OSGEPL1: variants seen among roughly 807,000 people sequenced by gnomAD.
OSGEPL1 encodes the protein tRNA N6-adenosine threonylcarbamoyltransferase, mitochondrial.
A neutral mutation model predicts 37.2 loss-of-function variants in OSGEPL1; 26 were observed. The ratio of observed to expected loss-of-function variants is 0.70; its 90% confidence interval spans 0.51 to 0.97. The LOEUF (loss-of-function observed/expected upper bound fraction) is 0.97. Ranked by LOEUF, OSGEPL1 falls within the 50% of genes least tolerant of loss-of-function variation. OSGEPL1 has a pLI of 0.00. For synonymous variants in OSGEPL1, 140 were observed against 159.9 expected (o/e 0.88, Z 0.94); for missense variants, 404 against 487.0 (o/e 0.83, Z 1.60).
chr2:189,750,515 A>G, intron 8 of OSGEPL1, 35 bp downstream of exon 8: 1 of 837,248 alleles, frequency 1.2e-6, no homozygotes, highest in Admixed American at 2.7e-5. Context: ...TTGATACACA[A>G]AACAATAAAA....
intron 2 of OSGEPL1, 46 bp downstream of exon 2, chr2:189,761,374 T>A: frequency 1.3e-6 from 2 of 1,553,196 alleles, no homozygotes; most frequent in Non-Finnish European, 1.7e-6. Context: ...AGAATGATTT[T>A]ACTTTTTCCA....
chr2:189,748,641 T>C (rs1337435072), intron 8 of OSGEPL1, among the ~76,000 whole-genome samples: 2 of 152,166 alleles, frequency 1.3e-5, no homozygotes, highest in African/African-American at 4.8e-5. Context: ...CGGAGGGAAA[T>C]GGTCTATTTT....
At chr2:189,749,998 CTG>C (rs2044884199) in intron 8 of OSGEPL1, among the ~76,000 whole-genome samples, 1 of 152,120 alleles carries the variant, frequency 6.6e-6, no homozygotes, top group Non-Finnish European at 1.5e-5. Flanking sequence ...TGGTGGGCTC[CTG>C]TAGTCCCAGC....
intron 2 of OSGEPL1, 130 bp downstream of exon 2, chr2:189,761,290 G>A (rs559436638): frequency 2.2e-6 from 2 of 910,146 alleles, no homozygotes; most frequent in African/African-American, 1.7e-5. Context: ...GTTTTCTATA[G>A]CAGTTATTAA....
At chr2:189,759,197 A>T (rs1447506258) in intron 2 of OSGEPL1, among the ~76,000 whole-genome samples, 1 of 152,062 alleles carries the variant, frequency 6.6e-6, no homozygotes, top group Non-Finnish European at 1.5e-5. Flanking sequence ...GCCTCTTTAC[A>T]TACATTATTT....
intron 8 of OSGEPL1, 165 bp downstream of exon 8, chr2:189,750,385 C>A: frequency 2.5e-6 from 1 of 402,312 alleles, no homozygotes; most frequent in East Asian, 4.5e-5. Context: ...AAGAAAAAAA[C>A]TATCTTCCCT....
At chr2:189,754,901 C>T (rs541515937) in intron 3 of OSGEPL1, 4 of 407,206 alleles carry the variant, frequency 9.8e-6, no homozygotes, top group African/African-American at 8.4e-5. Context: ...CGTTCTTTCA[C>T]ATACATTATT....
chr2:189,761,444 T>C lies in OSGEPL1; in HGVS notation c.197A>G (p.His66Arg), dbSNP rs762987905. 3.7e-6 allele frequency: 6 copies of C among 1,606,240 alleles called. No individual in the cohort carries two copies. In the South Asian group the frequency reaches 5.6e-5, roughly 15 times the overall value. ...CTTTAAATGAACTTCAGTTTGGGAATGTATTGCTTCTCCCAACACATTTCC... is the reference window on the plus strand; with the variant it reads ...CTTTAAATGAACTTCAGTTTGGGAACGTATTGCTTCTCCCAACACATTTCC... ...ETGNVLGEAI[H>R]SQTEVHLKTG... The change falls in exon 2 of 9, where the codon CAT (histidine) becomes CGT (arginine). Residue 66 changes from histidine (H) to arginine (R), a missense_variant. Coordinates refer to ENST00000264151, the MANE Select transcript of OSGEPL1 (RefSeq NM_022353.3).
At chr2:189,754,898 T>C in intron 3 of OSGEPL1, 1 of 406,848 alleles carries the variant, frequency 2.5e-6, no homozygotes, top group Non-Finnish European at 4.3e-6. Context: ...GCACGTTCTT[T>C]CACATACATT....
intron 2 of OSGEPL1, among the ~76,000 whole-genome samples, chr2:189,757,087 A>G (rs899970382): frequency 1.3e-5 from 2 of 152,198 alleles, no homozygotes; most frequent in African/African-American, 4.8e-5. Context: ...ATTTTTGTCT[A>G]TGATTTGTAG....
chr2:189,749,340 T>C (rs2044729498), intron 8 of OSGEPL1, among the ~76,000 whole-genome samples: 1 of 150,796 alleles, frequency 6.6e-6, no homozygotes, highest in African/African-American at 2.4e-5. Context: ...GAGGCTGAAG[T>C]TGGAGGATTA....
Position 189,755,388 on chromosome 2 carries a change from A to T in OSGEPL1, c.394T>A (p.Leu132Ile). The change falls in exon 3 of 9, where the codon TTA (leucine) becomes ATA (isoleucine). Residue 132 changes from leucine to isoleucine, a missense_variant. By Grantham distance (5) the Leu-to-Ile change is conservative (BLOSUM62 2). Transcript: ENST00000264151. ...TTTTTTAACTGTCCTACCAGCTGTA[A>T]GCTAAATGATAAGCCCACTCCCAGG... ...LSLGVGLSFS[L>I]QLVGQLKKPF... 1 of 1,613,302 alleles carries T rather than the reference A, an allele frequency of 6.2e-7. No homozygotes were observed. Among genetic ancestry groups the T allele is most frequent in the Non-Finnish European group, 8.5e-7 (1 of 1,179,652 alleles).
intron 7 of OSGEPL1, 125 bp downstream of exon 7, chr2:189,752,528 A>G: frequency 2.3e-6 from 2 of 882,156 alleles, no homozygotes; most frequent in Non-Finnish European, 3.5e-6. Context: ...TTCATGAAAG[A>G]AATTTATGTA....
At chr2:189,755,038 C>G (rs1410420395) in intron 3 of OSGEPL1, 135 bp downstream of exon 3, 2 of 1,019,330 alleles carry the variant, frequency 2.0e-6, no homozygotes, top group Non-Finnish European at 2.8e-6. Flanking sequence ...TTTTTTCTCA[C>G]CATATGTGAA....
chr2:189,761,576 A>C lies in OSGEPL1; in HGVS notation c.65T>G (p.Phe22Cys). The change falls in exon 2 of 9, where the codon TTT becomes TGT. Residue 22 changes from phenylalanine (F) to cysteine (C), a missense_variant. Coordinates refer to ENST00000264151, the MANE Select transcript of OSGEPL1 (RefSeq NM_022353.3). ...FKPSKRKVYE[F>C]LRSFNFHPGT... ...AGGATGAAAATTAAAACTTCTTAAA[A>C]ATTCATAAACTTTCCTTTTTGATGG... 2 of 1,611,034 alleles carry C rather than the reference A, an allele frequency of 1.2e-6. No homozygotes were observed. The highest frequency in any genetic ancestry group is 2.2e-5 in the East Asian group (1 of 44,758).
rs371364413 is a variant in OSGEPL1 at position 189,750,642 on chromosome 2, A to G, written c.1181T>C (p.Val394Ala). The G allele has an allele frequency of 2.3e-5, 36 of 1,583,738 alleles. 1 individual carries two copies. The Admixed American group carries it at 5.1e-4, about 23-fold the overall frequency. ...TTCTCCAACTTCTTTTGATATGTCTACTCCAAGAGGACATCTACATCATAA... is the reference window on the plus strand; with the variant it reads ...TTCTCCAACTTCTTTTGATATGTCTGCTCCAAGAGGACATCTACATCATAA... ...IRYEPKCPLGVDISKEVGEAS... is the reference protein window; with the variant it reads ...IRYEPKCPLGADISKEVGEAS... The change falls in exon 8 of 9, where the codon GTA becomes GCA. Residue 394 changes from valine (V) to alanine (A), a missense_variant. Physicochemically the swap from Val to Ala is moderately conservative, Grantham distance 64. Coordinates refer to ENST00000264151, the MANE Select transcript of OSGEPL1 (RefSeq NM_022353.3).
rs769025061 is a variant in OSGEPL1, at chr2:189,754,224, T to C, written c.731A>G (p.His244Arg). The C allele has an allele frequency of 1.2e-6, 2 of 1,613,810 alleles. No individual in the cohort carries two copies. The highest frequency in any genetic ancestry group is 1.3e-5 in the African/African-American group (1 of 74,936). ...RFHFDIKPPL[H>R]HAKNCDFSFT... ...AGAAAAATCACAATTTTTAGCATGA[T>C]GCAAGGGAGGTTTGATGTCAAAATG... Residue 244 changes from histidine (H) to arginine (R), a missense_variant, in exon 4 of 9, where the codon CAT becomes CGT. By Grantham distance (29) the His-to-Arg change is conservative. Transcript: ENST00000264151.
intron 1 of OSGEPL1, 78 bp from the exon 2 acceptor site, chr2:189,761,738 G>A: frequency 7.3e-7 from 1 of 1,377,124 alleles, no homozygotes; most frequent in Non-Finnish European, 9.5e-7. Context: ...TAGTTTTACA[G>A]AATTACAGGA....
chr2:189,749,731 C>T (rs1038413491), intron 8 of OSGEPL1, among the ~76,000 whole-genome samples: 4 of 152,138 alleles, frequency 2.6e-5, no homozygotes, highest in African/African-American at 9.7e-5. Flanking sequence ...ATCCTATTTA[C>T]TCCAGAGATG....
Sources: gnomAD v4.1 joint callset for allele counts (sites outside exome capture counted in the v4.1 genomes callset) on GRCh38, gnomAD v4.1.1 for gene constraint, MANE v1.5 for transcripts, NCBI Gene and HGNC (gene_info 2026-07-23, HGNC 2026-07-21) for gene names.